COG7: variants seen among roughly 807,000 people sequenced by gnomAD.
COG7 encodes the protein conserved oligomeric Golgi complex subunit 7.
In COG7, 49 loss-of-function variants were observed where a neutral mutation model predicts 91.5. That is an observed-to-expected ratio of 0.54 (90% CI 0.43 to 0.68). The LOEUF (loss-of-function observed/expected upper bound fraction) is 0.68, where lower values mean the gene tolerates loss of function less well. Ranked by LOEUF, COG7 falls within the 30% of genes least tolerant of loss-of-function variation. The pLI, the probability that COG7 is intolerant of heterozygous loss-of-function variation, is 0.00. For missense variants in COG7, 895 were observed against 961.3 expected (o/e 0.93, Z 0.91); for synonymous variants, 365 against 388.7 (o/e 0.94, Z 0.72).
At chr16:23,418,678 C>T in intron 8 of COG7, 22 bp downstream of exon 8, 1 of 1,611,938 alleles carries the variant, frequency 6.2e-7, no homozygotes, top group Non-Finnish European at 8.5e-7. Context: ...TCCTCAGTGG[C>T]CCCAGGACAC....
rs145567494 is a variant in COG7 at position 23,414,827 on chromosome 16, A to G, written c.1293-1263T>C. 4.5e-4 allele frequency: 68 copies of G among 152,158 alleles called. 2 individuals are homozygous for G. In the East Asian group the frequency reaches 0.011, roughly 25 times the overall value. 9.4% of individuals were successfully genotyped at this position (152,158 alleles called of 1,614,324 possible). A position where few individuals can be genotyped will look rare whatever the true frequency, so the allele number is the denominator to read the frequency against. ...CAGGAACTAGCACAGAGCTGGACAT[A>G]AAGGAGGGAGTCATGTCCTCTGAAA... On this transcript the variant is annotated intron_variant, in intron 9 of 16. Coordinates refer to ENST00000307149, the MANE Select transcript of COG7 (RefSeq NM_153603.4).
chr16:23,403,630 A>G, intron 13 of COG7, 64 bp downstream of exon 13: 1 of 1,597,920 alleles, frequency 6.3e-7, no homozygotes, highest in Admixed American at 1.7e-5. Context: ...TTAAGCCCAC[A>G]CTCAGTATGC....
Position 23,441,642 on chromosome 16 carries a change from C to G in COG7, c.604+835G>C, listed in dbSNP as rs551288389. Among the ~76,000 whole-genome samples, 141 of 152,222 alleles carry G rather than the reference C, an allele frequency of 9.3e-4. 2 individuals carry two copies. Among genetic ancestry groups the G allele is most frequent in the Non-Finnish European group, 6.8e-4 (46 of 68,012 alleles). On this transcript the variant is annotated intron_variant, in intron 4 of 16. Transcript: ENST00000307149. ...CATTTACGAGTGGGCTTTTGTGCCA[C>G]AACTGCAGAGGTATCTGTGAGAGAG...
intron 13 of COG7, among the ~76,000 whole-genome samples, chr16:23,401,657 G>C (rs1017237795): frequency 6.6e-6 from 1 of 152,076 alleles, no homozygotes; most frequent in African/African-American, 2.4e-5. Context: ...AATGGAAACA[G>C]GATTAACAAA....
chr16:23,444,495 T>C (rs1964151635), intron 3 of COG7, among the ~76,000 whole-genome samples: 1 of 149,938 alleles, frequency 6.7e-6, no homozygotes, highest in South Asian at 2.1e-4. Flanking sequence ...CCTGTGCTGG[T>C]TTTTCTTTTC....
rs371699128 is a variant in COG7 at position 23,403,828 on chromosome 16, C to G, written c.1669G>C (p.Gly557Arg). The G allele has an allele frequency of 3.1e-6, 5 of 1,614,198 alleles. No individual in the cohort carries two copies. The highest frequency in any genetic ancestry group is 4.2e-6 in the Non-Finnish European group (5 of 1,180,032). ...MEILYTLKEKGSSNHNLLAAP... is the reference protein window; with the variant it reads ...MEILYTLKEKRSSNHNLLAAP... ...GCCAGCAGGTTGTGGTTGCTTGACC[C>G]TTTTTCCTAAGACAAGAAAATGCAA... Residue 557 changes from glycine (G) to arginine (R), a missense_variant, in exon 13 of 17, where the codon GGG (glycine) becomes CGG (arginine). Transcript: ENST00000307149.
At chr16:23,390,022 T>G (rs1464597913) in intron 16 of COG7, 1 of 152,112 alleles carries the variant, frequency 6.6e-6, no homozygotes, top group Non-Finnish European at 1.5e-5. Context: ...GAAACGAACA[T>G]GAGAGCACCT....
chr16:23,408,627 A>G (rs1963509048), intron 11 of COG7, among the ~76,000 whole-genome samples: 1 of 151,978 alleles, frequency 6.6e-6, no homozygotes, highest in Non-Finnish European at 1.5e-5. Flanking sequence ...AGCAGGATAG[A>G]GTGGGAGCAG....
At chr16:23,445,425 G>A (rs930240808) in intron 2 of COG7, among the ~76,000 whole-genome samples, 3 of 152,248 alleles carry the variant, frequency 2.0e-5, no homozygotes, top group Non-Finnish European at 2.9e-5. Context: ...GGCCAAGATG[G>A]GAGGATCACT....
intron 1 of COG7, among the ~76,000 whole-genome samples, chr16:23,451,124 G>A (rs989189612): frequency 2.0e-5 from 3 of 152,094 alleles, no homozygotes; most frequent in Admixed American, 2.0e-4. Flanking sequence ...ACTCAGAAGG[G>A]GGAGGTTGCA....
In COG7 at chr16:23,433,703, C is replaced by A. The variant is rs377483147; in HGVS notation, c.688-36G>T. ...AGAACAAAGGGAACCTTATTGGGTA[C>A]GTCAACATAGGTTGCCTGTGAACAC... On this transcript the variant is annotated intron_variant, in intron 5 of 16. Coordinates refer to ENST00000307149, the MANE Select transcript of COG7 (RefSeq NM_153603.4). 1.1e-5 allele frequency: 18 copies of A among 1,612,346 alleles called. No homozygotes were observed. The South Asian group carries it at 1.8e-4, about 16-fold the overall frequency.
chr16:23,407,462 G>T (rs142750916), intron 11 of COG7, among the ~76,000 whole-genome samples: 1 of 152,188 alleles, frequency 6.6e-6, no homozygotes, highest in African/African-American at 2.4e-5. Flanking sequence ...GATCTTCCCA[G>T]AAGGCAAATC....
intron 7 of COG7, among the ~76,000 whole-genome samples, chr16:23,422,948 G>A (rs1342348858): frequency 6.6e-6 from 1 of 151,632 alleles, no homozygotes; most frequent in African/African-American, 2.4e-5. Flanking sequence ...AGAAGGCTGA[G>A]GCAGGAGAAT....
In COG7 at chr16:23,406,228, A is replaced by G; in HGVS notation, c.1510T>C (p.Ser504Pro). The G allele has an allele frequency of 6.2e-7, 1 of 1,614,162 alleles. No homozygotes were observed. Among genetic ancestry groups the G allele is most frequent in the Non-Finnish European group, 8.5e-7 (1 of 1,180,016 alleles). ...LSTAGKYLSD[S>P]CSPRSLAGFQ... ...CCAGCCAGGCTCCGGGGGCTGCAGG[A>G]ATCAGATAGATACTTCCCAGCTGTG... Residue 504 changes from serine (S) to proline (P), a missense_variant, in exon 12 of 17, where the codon TCC becomes CCC. Transcript: ENST00000307149.
intron 11 of COG7, among the ~76,000 whole-genome samples, chr16:23,409,086 T>TGC (rs879869735): frequency 4.7e-4 from 53 of 113,306 alleles, no homozygotes; most frequent in African/African-American, 1.4e-3. Context: ...TGTGTGTGTG[T>TGC]GTGCGTGCAT....
chr16:23,452,021 T>C (rs1291767506), intron 1 of COG7, among the ~76,000 whole-genome samples: 1 of 152,202 alleles, frequency 6.6e-6, no homozygotes, highest in Non-Finnish European at 1.5e-5. Context: ...GCCAATTTTC[T>C]TTGACACTGG....
chr16:23,445,876 T>C lies in COG7; in HGVS notation c.255A>G (p.Glu85=). 6.2e-7 allele frequency: 1 copy of C among 1,613,958 alleles called. No individual in the cohort carries two copies. The highest frequency in any genetic ancestry group is 8.5e-7 in the Non-Finnish European group (1 of 1,179,966). ...TGTCCTCCTTGACAAGAATCATCTGTTCTTTCAGGAAAGATGCCTCCTGTT... is the reference window on the plus strand; with the variant it reads ...TGTCCTCCTTGACAAGAATCATCTGCTCTTTCAGGAAAGATGCCTCCTGTT... ...ALKQEASFLK[E]QMILVKEDIK... Residue 85 remains glutamate (E), a synonymous_variant, in exon 2 of 17, where the codon GAA becomes GAG. Coordinates refer to ENST00000307149, the MANE Select transcript of COG7 (RefSeq NM_153603.4).
Position 23,413,514 on chromosome 16 carries a change from T to C in COG7, c.1343A>G (p.Lys448Arg). ...STLQSIRKKC[K>R]LDHIPPNSLF... ...GGAGTTGGGAGGAATGTGGTCCAGT[T>C]TGCACTTCTTTCGTATGGACTGGAG... Residue 448 changes from lysine (K) to arginine (R), a missense_variant, in exon 10 of 17, where the codon AAA becomes AGA. By Grantham distance (26) the Lys-to-Arg change is conservative. Transcript: ENST00000307149. The C allele has an allele frequency of 1.2e-6, 2 of 1,613,390 alleles. No individual in the cohort carries two copies. The highest frequency in any genetic ancestry group is 1.7e-6 in the Non-Finnish European group (2 of 1,179,372).
At position 23,406,083 on chromosome 16, in the gene COG7, G is replaced by T. The variant is rs372476256; in HGVS notation, c.1655C>A (p.Thr552Asn). ...EYASLMEILY[T>N]LKEKGSSNHN... The stretch of plus-strand genomic sequence containing the variant: ...ATTCATTTGGTCTCATACCTTAAGG[G>T]TATAAAGTATTTCCATTAAACTGGC... Residue 552 changes from threonine to asparagine, a missense_variant, in exon 12 of 17, where the codon ACC (threonine) becomes AAC (asparagine). Thr to Asn is a moderately conservative substitution (Grantham distance 65). Coordinates refer to ENST00000307149, the MANE Select transcript of COG7 (RefSeq NM_153603.4). 8 of 1,613,036 alleles carry T rather than the reference G, an allele frequency of 5.0e-6. No homozygotes were observed. Among genetic ancestry groups the T allele is most frequent in the Non-Finnish European group, 6.8e-6 (8 of 1,179,136 alleles).
Sources: allele counts gnomAD v4.1 joint callset (sites outside exome capture counted in the v4.1 genomes callset), GRCh38; gene constraint gnomAD v4.1.1; transcripts MANE v1.5; gene names NCBI Gene and HGNC (gene_info 2026-07-23, HGNC 2026-07-21).